The following DNAH5 variants were observed in gnomAD, a reference collection of about 807,000 sequenced individuals.
The protein encoded by DNAH5 is axonemal beta dynein heavy chain 5.
Under a neutral mutation model 518.2 loss-of-function variants are expected in DNAH5, and 372 were observed. That is an observed-to-expected ratio of 0.72 (90% CI 0.66 to 0.78). The LOEUF is 0.78. Among genes scored for constraint, DNAH5 ranks in the 30% least tolerant of loss-of-function variants. The pLI, the probability that DNAH5 is intolerant of heterozygous loss-of-function variation, is 0.00. For synonymous variants in DNAH5, 2,039 were observed against 2,025.9 expected (o/e 1.01, Z -0.17); for missense variants, 5,523 against 5,687.0 (o/e 0.97, Z 0.93).
chr5:13,791,702 C>T (rs984626595), intron 50 of DNAH5, among the ~76,000 whole-genome samples: 1 of 152,140 alleles, frequency 6.6e-6, no homozygotes, highest in Non-Finnish European at 1.5e-5. Flanking sequence ...ATCTTCTTCT[C>T]ATACTAGAAC....
chr5:13,814,536 C>T, intron 43 of DNAH5, 69 bp downstream of exon 43: 1 of 1,538,274 alleles, frequency 6.5e-7, no homozygotes, highest in Non-Finnish European at 8.9e-7. Flanking sequence ...AAAATTGGCA[C>T]ACACACTAAA....
intron 68 of DNAH5, among the ~76,000 whole-genome samples, chr5:13,731,635 CCTT>C: frequency 6.6e-6 from 1 of 152,204 alleles, no homozygotes; most frequent in Admixed American, 6.5e-5. Context: ...TGTGCTGTTC[CCTT>C]CTTTCCTCAA....
intron 17 of DNAH5, among the ~76,000 whole-genome samples, chr5:13,887,003 T>A (rs1053466392): frequency 6.6e-6 from 1 of 152,232 alleles, no homozygotes; most frequent in African/African-American, 2.4e-5. Context: ...CCACAGGACC[T>A]AAATATTTGC....
In DNAH5 at chr5:13,721,119, C is replaced by A. The variant is rs1419270713; in HGVS notation, c.12160G>T (p.Asp4054Tyr). 3 of 1,614,132 alleles carry A rather than the reference C, an allele frequency of 1.9e-6. No individual in the cohort carries two copies. The highest frequency in any genetic ancestry group is 2.5e-6 in the Non-Finnish European group (3 of 1,179,996). Reference sequence around the variant, plus strand: ...AAGGCAATGATGGAATCTGTGGGGTCTGAGCCCATAGACAGGAGACAGATG... The same window carrying A: ...AAGGCAATGATGGAATCTGTGGGGTATGAGCCCATAGACAGGAGACAGATG... ...PLICLLSMGS[D>Y]PTDSIIALGK... is the part of the protein sequence containing the mutation. Residue 4054 changes from aspartate (D) to tyrosine (Y), a missense_variant, in exon 71 of 79, where the codon GAC becomes TAC. Transcript: ENST00000265104.
Position 13,776,642 on chromosome 5 carries a change from T to C in DNAH5, c.9170A>G (p.Lys3057Arg). 2 of 1,613,886 alleles carry C rather than the reference T, an allele frequency of 1.2e-6. No individual in the cohort carries two copies. The highest frequency in any genetic ancestry group is 1.7e-6 in the Non-Finnish European group (2 of 1,179,834). The change falls in exon 55 of 79, where the codon AAA (lysine) becomes AGA (arginine). Residue 3057 changes from lysine (K) to arginine (R), a missense_variant. This residue lies in a region of DNAH5 where 5,121 missense variants were observed against 5,223.3 expected (regional missense o/e 0.98). Transcript: ENST00000265104. ...AGGAAGGCACCTGGGGAATTCTTTT[T>C]TCATGACTGATGCCAGGTCGCTATT... The part of the protein sequence containing the change: ...EINSDLASVM[K>R]KEFPRCLPTN...
intron 68 of DNAH5, among the ~76,000 whole-genome samples, chr5:13,730,685 C>T (rs1184261518): frequency 1.3e-5 from 2 of 151,398 alleles, no homozygotes; most frequent in Non-Finnish European, 2.9e-5. Flanking sequence ...CTGCCCACCT[C>T]GGCCTCCCAA....
At chr5:13,887,617 T>C (rs140553918) in intron 17 of DNAH5, among the ~76,000 whole-genome samples, 258 of 152,326 alleles carry the variant, frequency 1.7e-3, no homozygotes, top group African/African-American at 5.9e-3. Context: ...ATTCCCATGA[T>C]GCTTTAGCTT....
intron 12 of DNAH5, among the ~76,000 whole-genome samples, chr5:13,908,834 T>G (rs1385631742): frequency 2.0e-5 from 3 of 152,168 alleles, no homozygotes; most frequent in African/African-American, 7.2e-5. Flanking sequence ...AGACTTTCAC[T>G]TGAGATTCCA....
chr5:13,862,799 C>T, intron 28 of DNAH5, 52 bp from the exon 29 acceptor site: 1 of 1,448,544 alleles, frequency 6.9e-7, no homozygotes, highest in Admixed American at 1.7e-5. Context: ...CACGTCCTTC[C>T]TTAATAGTCT....
At chr5:13,888,145 C>A (rs1238907343) in intron 17 of DNAH5, among the ~76,000 whole-genome samples, 1 of 152,170 alleles carries the variant, frequency 6.6e-6, no homozygotes, top group East Asian at 1.9e-4. Context: ...CCCTTTTCCT[C>A]TTGTTTTGGT....
chr5:13,787,322 G>T (rs1399091777), intron 51 of DNAH5, among the ~76,000 whole-genome samples: 1 of 152,090 alleles, frequency 6.6e-6, no homozygotes. Context: ...TACCAATAAC[G>T]ACTTAGAATT....
chr5:13,887,214 CAT>C (rs963414313), intron 17 of DNAH5, among the ~76,000 whole-genome samples: 3 of 152,176 alleles, frequency 2.0e-5, no homozygotes, highest in Non-Finnish European at 4.4e-5. Flanking sequence ...AACACAAGCA[CAT>C]GTTTGAGATC....
At chr5:13,811,479 C>T (rs1034988511) in intron 44 of DNAH5, among the ~76,000 whole-genome samples, 168 bp downstream of exon 44, 1 of 152,098 alleles carries the variant, frequency 6.6e-6, no homozygotes, top group Admixed American at 6.6e-5. Context: ...TATGTGGGAT[C>T]CATGTTTGAA....
intron 36 of DNAH5, 111 bp from the exon 37 acceptor site, chr5:13,830,324 T>C (rs777965483): frequency 3.7e-5 from 40 of 1,095,190 alleles, no homozygotes; most frequent in Non-Finnish European, 5.4e-5. Context: ...CATTCAAAAG[T>C]AAAGTGCAAC....
At chr5:13,977,634 G>T (rs1242972960) in intron 1 of DNAH5, among the ~76,000 whole-genome samples, 1 of 152,016 alleles carries the variant, frequency 6.6e-6, no homozygotes, top group Non-Finnish European at 1.5e-5. Context: ...TTCACTGCCA[G>T]ACTAGCAACT....
chr5:13,984,696 A>G (rs953169746), intron 1 of DNAH5, among the ~76,000 whole-genome samples: 3 of 152,190 alleles, frequency 2.0e-5, no homozygotes, highest in African/African-American at 4.8e-5. Flanking sequence ...ATTTTTAGAT[A>G]TGTTCCATCA....
chr5:13,875,027 A>G (rs1411078016), intron 22 of DNAH5, among the ~76,000 whole-genome samples: 1 of 152,250 alleles, frequency 6.6e-6, no homozygotes, highest in Non-Finnish European at 1.5e-5. Flanking sequence ...GACTAAGTGT[A>G]CATATATTCT....
At chr5:13,713,607 T>C (rs189176192) in intron 75 of DNAH5, among the ~76,000 whole-genome samples, 1 of 150,746 alleles carries the variant, frequency 6.6e-6, no homozygotes, top group African/African-American at 2.4e-5. Context: ...AAGCCAATCA[T>C]ATGTTCTCAC....
intron 30 of DNAH5, among the ~76,000 whole-genome samples, chr5:13,851,294 G>A (rs1426220125): frequency 6.6e-6 from 1 of 152,108 alleles, no homozygotes; most frequent in Non-Finnish European, 1.5e-5. Context: ...TATCTTGAGA[G>A]GGCAGGAATC....
Sources: gnomAD v4.1 joint callset for allele counts (sites outside exome capture counted in the v4.1 genomes callset) on GRCh38, gnomAD v4.1.1 for gene constraint, gnomAD v4.1.1 regional missense constraint, MANE v1.5 for transcripts, NCBI Gene and HGNC (gene_info 2026-07-23, HGNC 2026-07-21) for gene names.